Variants in PISD observed in about 807,000 individuals in gnomAD.
PISD encodes phosphatidylserine decarboxylase.
Under a neutral mutation model 43.5 loss-of-function variants are expected in PISD, and 31 were observed. That is an observed-to-expected ratio of 0.71 (90% confidence interval 0.54 to 0.96). PISD has a LOEUF of 0.96. PISD is among the 40% of genes least tolerant of loss of function. The pLI is 0.00. For missense variants in PISD, 523 were observed against 548.4 expected (o/e 0.95, Z 0.46); for synonymous variants, 259 against 228.7 (o/e 1.13, Z -1.20).
At chr22:31,648,353 G>C (rs956239627) in intron 2 of PISD, 77 bp from the exon 3 acceptor site, 1 of 1,333,562 alleles carries the variant, frequency 7.5e-7, no homozygotes, top group Non-Finnish European at 1.0e-6. Context: ...GCACCAACAG[G>C]AGGGTCAGGA....
At chr22:31,632,320 C>G in intron 3 of PISD, 1 of 859,164 alleles carries the variant, frequency 1.2e-6, no homozygotes, top group Non-Finnish European at 1.4e-6. Flanking sequence ...AACAGGGAGG[C>G]AGGGGTGAAC....
intron 3 of PISD, among the ~76,000 whole-genome samples, chr22:31,636,250 T>A (rs977619910): frequency 2.0e-5 from 3 of 152,024 alleles, no homozygotes; most frequent in Non-Finnish European, 2.9e-5. Flanking sequence ...CTGTCTTTAT[T>A]CCTTTTGATG....
intron 7 of PISD, 120 bp downstream of exon 7, chr22:31,620,433 C>T (rs1278661661): frequency 2.4e-5 from 24 of 990,872 alleles, no homozygotes; most frequent in Non-Finnish European, 3.6e-5. Flanking sequence ...AGAGCCAGGC[C>T]TGACCAGAGC....
intron 3 of PISD, among the ~76,000 whole-genome samples, chr22:31,632,912 G>A (rs1158523119): frequency 1.3e-5 from 2 of 152,108 alleles, no homozygotes; most frequent in African/African-American, 4.8e-5. Flanking sequence ...ATCAGCCTAT[G>A]GTAAAACTGG....
chr22:31,640,528 G>GA (rs2073661692), intron 3 of PISD, among the ~76,000 whole-genome samples: 1 of 144,210 alleles, frequency 6.9e-6, no homozygotes, highest in Non-Finnish European at 1.5e-5. Flanking sequence ...ATCATTCTGT[G>GA]AAATAAAAAC....
intron 1 of PISD, among the ~76,000 whole-genome samples, chr22:31,654,790 G>A (rs2074121206): frequency 6.6e-6 from 1 of 152,066 alleles, no homozygotes; most frequent in East Asian, 1.9e-4. Flanking sequence ...AAAGATGGCA[G>A]GAAGGCCAGG....
chr22:31,622,154 C>G (rs969738759), intron 3 of PISD, among the ~76,000 whole-genome samples: 9 of 152,358 alleles, frequency 5.9e-5, no homozygotes, highest in Non-Finnish European at 7.3e-5. Context: ...GCTCCAGTCC[C>G]AGAACGGGAG....
rs1809821249 is a variant in PISD, at chr22:31,619,364, C to G, written c.*248G>C. 2 of 577,220 alleles carry G rather than the reference C, an allele frequency of 3.5e-6. No individual in the cohort carries two copies. Among genetic ancestry groups the G allele is most frequent in the Non-Finnish European group, 6.4e-6 (2 of 310,948 alleles). 35.8% of individuals were successfully genotyped at this position (577,220 alleles called of 1,614,324 possible). A position where few individuals can be genotyped will look rare whatever the true frequency, so the allele number is the denominator to read the frequency against. On this transcript the variant is annotated 3_prime_UTR_variant, in exon 8 of 8. Transcript: ENST00000439502. ...AGATCCAAATGTGACTGAGATCATT[C>G]CAGCCTGCACTTTTTATTTGTAGGC...
In PISD at chr22:31,618,585, C is replaced by G. The variant is rs2072251941; in HGVS notation, c.*1027G>C. 1.6e-6 allele frequency: 1 copy of G among 625,592 alleles called. No homozygotes were observed. 38.8% of individuals were successfully genotyped at this position (625,592 alleles called of 1,614,324 possible). The stretch of plus-strand genomic sequence containing the variant: ...CTTTTCATACAAAAATACTGTGCTA[C>G]TGATACAGTTGAAAAAATTCAATGA... On this transcript the variant is annotated 3_prime_UTR_variant, in exon 8 of 8. Transcript: ENST00000439502.
At chr22:31,636,519 C>T (rs997564839) in intron 3 of PISD, among the ~76,000 whole-genome samples, 3 of 152,054 alleles carry the variant, frequency 2.0e-5, no homozygotes, top group Non-Finnish European at 2.9e-5. Flanking sequence ...CCCGCCACCA[C>T]GCCCAGCTAA....
intron 3 of PISD, chr22:31,628,192 C>T: frequency 1.0e-6 from 1 of 985,512 alleles, no homozygotes; most frequent in Non-Finnish European, 1.2e-6. Context: ...AGGCTGAGCA[C>T]CGTCTGTCCC....
At position 31,619,789 on chromosome 22, in the gene PISD, G is replaced by A. The variant is rs1280534632; in HGVS notation, c.1053C>T (p.Asp351=). The change falls in exon 8 of 8, where the codon GAC becomes GAT. Residue 351 remains aspartate (D), a synonymous_variant. Coordinates refer to ENST00000439502, the MANE Select transcript of PISD (RefSeq NM_001326411.2). ...TATTGGTGTGCGTCACGAAGCTGAA[G>A]TCATTGTAGGAGCCCTTGCTGTGCC... ...SPRHSKGSYN[D]FSFVTHTNRE... 3 of 1,614,124 alleles carry A rather than the reference G, an allele frequency of 1.9e-6. No individual in the cohort carries two copies. Among genetic ancestry groups the A allele is most frequent in the Non-Finnish European group, 2.5e-6 (3 of 1,180,048 alleles).
chr22:31,628,745 C>T (rs1054272198), intron 3 of PISD: 9 of 813,040 alleles, frequency 1.1e-5, no homozygotes, highest in Non-Finnish European at 1.2e-5. Flanking sequence ...TGGCCACCCC[C>T]TTGAGGCTCA....
chr22:31,640,184 C>T (rs1045524978), intron 3 of PISD, among the ~76,000 whole-genome samples: 3 of 150,904 alleles, frequency 2.0e-5, no homozygotes, highest in South Asian at 4.2e-4. Flanking sequence ...CTTTCCAGAA[C>T]ACGATTTCAA....
intron 3 of PISD, among the ~76,000 whole-genome samples, chr22:31,646,677 G>C (rs1401003694): frequency 1.3e-5 from 2 of 152,020 alleles, no homozygotes; most frequent in Non-Finnish European, 2.9e-5. Context: ...ACTTGAGGGG[G>C]GTCATGCAGT....
chr22:31,639,220 G>A (rs1288249383), intron 3 of PISD, among the ~76,000 whole-genome samples: 1 of 149,984 alleles, frequency 6.7e-6, no homozygotes, highest in East Asian at 1.9e-4. Context: ...TGACCAGGCT[G>A]GAGTGCAATG....
chr22:31,625,937 T>C lies in PISD; in HGVS notation c.322-4052A>G. On this transcript the variant is annotated intron_variant, in intron 3 of 7. Coordinates refer to ENST00000439502, the MANE Select transcript of PISD (RefSeq NM_001326411.2). ...GTCACTGCTCCAGGGCCTCTGCCTC[T>C]GCGAGGCTGGTTGGTGGCGCCGCTT... is the stretch of plus-strand genomic sequence containing the variant. 3 of 1,506,620 alleles carry C rather than the reference T, an allele frequency of 2.0e-6. No individual in the cohort carries two copies. The South Asian group carries it at 3.8e-5, about 19-fold the overall frequency. The allele number at this position is 1,506,620 out of a possible 1,614,324, so 93.3% of individuals were successfully genotyped here. A position where few individuals can be genotyped will look rare whatever the true frequency, so the allele number is the denominator to read the frequency against.
intron 3 of PISD, among the ~76,000 whole-genome samples, chr22:31,622,399 C>A (rs1420475238): frequency 6.6e-6 from 1 of 152,202 alleles, no homozygotes; most frequent in Non-Finnish European, 1.5e-5. Context: ...AAGGAGGATA[C>A]CCTGAGCACC....
intron 3 of PISD, among the ~76,000 whole-genome samples, chr22:31,647,849 A>G (rs5998068): frequency 0.12 from 18,839 of 152,190 alleles, 1,504 homozygotes; most frequent in African/African-American, 0.22. Flanking sequence ...CAAGACATAC[A>G]CTCTGAGACT....
Sources: allele counts gnomAD v4.1 joint callset (sites outside exome capture counted in the v4.1 genomes callset), GRCh38; gene constraint gnomAD v4.1.1; transcripts MANE v1.5; gene names NCBI Gene and HGNC (gene_info 2026-07-23, HGNC 2026-07-21).